Variants in SDK1 observed in about 807,000 individuals in gnomAD.
SDK1 encodes sidekick cell adhesion molecule 1, also known as protein sidekick-1.
In SDK1, 157 loss-of-function variants were observed where a neutral mutation model predicts 245.5. The observed-to-expected ratio is 0.64, with a 90% CI of 0.56 to 0.73. SDK1 has a LOEUF of 0.73. Ranked by LOEUF, SDK1 falls within the 30% of genes least tolerant of loss-of-function variation. The pLI is 0.00. For missense variants in SDK1, 3,583 were observed against 3,002.3 expected, an observed-to-expected ratio of 1.19 and a Z score of -4.52; for synonymous variants, 1,647 against 1,278.5, an observed-to-expected ratio of 1.29 and a Z score of -6.15.
chr7:3,450,156 A>G (rs1780467671), intron 1 of SDK1, among the ~76,000 whole-genome samples: 1 of 152,238 alleles, frequency 6.6e-6, no homozygotes, highest in Non-Finnish European at 1.5e-5. Context: ...GTTATTCTGT[A>G]TAATTGGATC....
intron 4 of SDK1, among the ~76,000 whole-genome samples, chr7:3,802,140 A>C (rs981077018): frequency 6.6e-6 from 1 of 152,160 alleles, no homozygotes; most frequent in African/African-American, 2.4e-5. Context: ...CTGTAGTGCA[A>C]TATCAAAACC....
At chr7:4,098,192 A>AAAGGTCC (rs1782287399) in intron 22 of SDK1, among the ~76,000 whole-genome samples, 1 of 152,186 alleles carries the variant, frequency 6.6e-6, no homozygotes, top group African/African-American at 2.4e-5. Context: ...AGGTCCTATT[A>AAAGGTCC]TGGGACCTTT....
At chr7:4,234,910 G>T (rs1364712595) in intron 41 of SDK1, among the ~76,000 whole-genome samples, 3 of 152,208 alleles carry the variant, frequency 2.0e-5, no homozygotes, top group South Asian at 4.1e-4. Context: ...GGTAGGGCCA[G>T]CTCTGTTGGT....
Position 4,265,944 on chromosome 7 carries a change from T to C in SDK1, c.*560T>C. On this transcript the variant is annotated 3_prime_UTR_variant, in exon 45 of 45. Coordinates refer to ENST00000404826, the MANE Select transcript of SDK1 (RefSeq NM_152744.4). ...CATCTGTTTCTGAAATGTTCTCACT[T>C]GGCAGTGTCTAGTCAAGGAGTCGGC... 1.0e-6 allele frequency: 1 copy of C among 985,724 alleles called. No individual in the cohort carries two copies. The allele number at this position is 985,724 out of a possible 1,614,324, so 61.1% of individuals were successfully genotyped here. A position where few individuals can be genotyped will look rare whatever the true frequency, so the allele number is the denominator to read the frequency against.
At chr7:4,001,011 T>A (rs552124284) in intron 14 of SDK1, among the ~76,000 whole-genome samples, 37 of 152,228 alleles carry the variant, frequency 2.4e-4, no homozygotes, top group Non-Finnish European at 3.5e-4. Flanking sequence ...CAAGACGAGA[T>A]GGGGGTCAGA....
At chr7:3,539,411 G>A (rs1408924210) in intron 1 of SDK1, among the ~76,000 whole-genome samples, 1 of 152,152 alleles carries the variant, frequency 6.6e-6, no homozygotes, top group Non-Finnish European at 1.5e-5. Flanking sequence ...ATGGGAAAAG[G>A]AGAGAGGAAA....
chr7:3,734,357 T>C (rs983219113), intron 4 of SDK1, among the ~76,000 whole-genome samples: 2 of 152,196 alleles, frequency 1.3e-5, no homozygotes, highest in East Asian at 3.8e-4. Context: ...AGGAAGAATG[T>C]TGAATTTGTC....
intron 22 of SDK1, among the ~76,000 whole-genome samples, chr7:4,084,671 G>A (rs1781309713): frequency 1.1e-5 from 1 of 90,316 alleles, no homozygotes; most frequent in Admixed American, 9.6e-5. Flanking sequence ...TATATGTTAT[G>A]TTACGTTATG....
At chr7:3,351,380 C>T (rs1036369249) in intron 1 of SDK1, among the ~76,000 whole-genome samples, 4 of 152,010 alleles carry the variant, frequency 2.6e-5, no homozygotes. Flanking sequence ...ACACCACTGT[C>T]TACTATGAAG....
intron 5 of SDK1, among the ~76,000 whole-genome samples, chr7:3,881,824 C>G (rs893885129): frequency 2.6e-5 from 4 of 152,162 alleles, no homozygotes; most frequent in African/African-American, 9.7e-5. Context: ...ATTAGATTTA[C>G]TTTCTCTCAA....
At chr7:3,599,398 T>C (rs1781181530) in intron 1 of SDK1, among the ~76,000 whole-genome samples, 1 of 152,222 alleles carries the variant, frequency 6.6e-6, no homozygotes, top group South Asian at 2.1e-4. Flanking sequence ...GTGGTTTGCC[T>C]GTATTTTCTC....
Position 3,978,220 on chromosome 7 carries a change from C to T in SDK1, c.1994+3675C>T, listed in dbSNP as rs760890214. ...CCATCGTTGGTATCAAATAAATAAG[C>T]GTTAGCAGTTCATAAAGACTCTGTC... On this transcript the variant is annotated intron_variant, in intron 13 of 44. Coordinates refer to ENST00000404826, the MANE Select transcript of SDK1 (RefSeq NM_152744.4). Among the ~76,000 whole-genome samples, 22 of 152,030 alleles carry T rather than the reference C, an allele frequency of 1.4e-4. 1 individual carries two copies. The highest frequency in any genetic ancestry group is 8.5e-4 in the Admixed American group (13 of 15,260).
In SDK1 at chr7:4,011,610, A is replaced by G. The variant is rs1785972284; in HGVS notation, c.2280-485A>G. 2.6e-5 allele frequency among the ~76,000 whole-genome samples: 4 copies of G among 152,332 alleles called. No homozygotes were observed. The South Asian group carries it at 6.2e-4, about 24-fold the overall frequency. On this transcript the variant is annotated intron_variant, in intron 15 of 44. Transcript: ENST00000404826. Reference sequence around the variant, plus strand: ...ATCTCATTCGGAGGTGACATGGGAAAATGGCTTCATCACATTTCAGCACAC... The same window carrying G: ...ATCTCATTCGGAGGTGACATGGGAAGATGGCTTCATCACATTTCAGCACAC...
At chr7:4,066,782 G>A (rs1273950833) in intron 19 of SDK1, among the ~76,000 whole-genome samples, 1 of 152,234 alleles carries the variant, frequency 6.6e-6, no homozygotes, top group African/African-American at 2.4e-5. Context: ...GGCCAGCAGC[G>A]ACTTGCTGTG....
chr7:3,569,862 C>A (rs1399750994), intron 1 of SDK1, among the ~76,000 whole-genome samples: 1 of 152,130 alleles, frequency 6.6e-6, no homozygotes. Context: ...GCAGTTGGTA[C>A]GTTGTTTATT....
intron 38 of SDK1, among the ~76,000 whole-genome samples, chr7:4,219,857 G>A (rs555361345): frequency 2.1e-3 from 300 of 142,576 alleles, no homozygotes; most frequent in African/African-American, 7.5e-3. Flanking sequence ...TTCCTGAGAC[G>A]GCAGCCTCCC....
At chr7:3,873,019 T>G (rs1479783792) in intron 5 of SDK1, among the ~76,000 whole-genome samples, 1 of 152,162 alleles carries the variant, frequency 6.6e-6, no homozygotes, top group Non-Finnish European at 1.5e-5. Context: ...TTTACCTTCC[T>G]TTATTCCATT....
intron 17 of SDK1, among the ~76,000 whole-genome samples, chr7:4,042,879 AT>A (rs2128163177): frequency 6.6e-6 from 1 of 152,356 alleles, no homozygotes; most frequent in African/African-American, 2.4e-5. Context: ...TTTTAATTCC[AT>A]TGTCCACAAA....
intron 5 of SDK1, among the ~76,000 whole-genome samples, chr7:3,865,930 A>G (rs1780810278): frequency 6.6e-6 from 1 of 152,124 alleles, no homozygotes; most frequent in African/African-American, 2.4e-5. Flanking sequence ...CTACATAAAC[A>G]CACTTAAAGT....
Sources: allele counts gnomAD v4.1 joint callset (sites outside exome capture counted in the v4.1 genomes callset), GRCh38; gene constraint gnomAD v4.1.1; transcripts MANE v1.5; gene names NCBI Gene and HGNC (gene_info 2026-07-23, HGNC 2026-07-21).